Variants in PRDM5 observed in about 807,000 individuals in gnomAD.
PRDM5 encodes PR/SET domain 5, also known as PR domain zinc finger protein 5.
A neutral mutation model predicts 81.2 loss-of-function variants in PRDM5; 56 were observed. The ratio of observed to expected loss-of-function variants is 0.69; its 90% CI spans 0.56 to 0.86. The LOEUF (loss-of-function observed/expected upper bound fraction) is 0.86. Ranked by LOEUF, PRDM5 falls within the 40% of genes least tolerant of loss-of-function variation. The probability of loss-of-function intolerance (pLI) is 0.00; values close to 1 mark genes in which losing one functional copy is unlikely to be tolerated. For missense variants in PRDM5, 697 were observed against 770.1 expected, an observed-to-expected ratio of 0.91 and a Z score of 1.12; for synonymous variants, 267 against 256.4, an observed-to-expected ratio of 1.04 and a Z score of -0.39.
chr4:120,907,393 A>T, intron 2 of PRDM5, 81 bp downstream of exon 2: 1 of 1,178,138 alleles, frequency 8.5e-7, no homozygotes, highest in Non-Finnish European at 1.3e-6. Flanking sequence ...TGGAATCAAT[A>T]TCAATTAATG....
At chr4:120,829,653 G>T (rs1313952676) in intron 3 of PRDM5, among the ~76,000 whole-genome samples, 1 of 152,054 alleles carries the variant, frequency 6.6e-6, no homozygotes, top group Non-Finnish European at 1.5e-5. Context: ...TTGTTTACTT[G>T]TTGGCAGGCT....
At chr4:120,800,082 T>G (rs1371592099) in intron 8 of PRDM5, among the ~76,000 whole-genome samples, 1 of 152,248 alleles carries the variant, frequency 6.6e-6, no homozygotes, top group African/African-American at 2.4e-5. Context: ...CTTGGAAATA[T>G]GTAGCATGCA....
Position 120,695,030 on chromosome 4 carries a change from C to CT in PRDM5, c.*80dup, listed in dbSNP as rs1734354874. The stretch of plus-strand genomic sequence containing the variant: ...ACCAGTAAGTCACTTTTGGCTACTT[C>CT]TGTTATGCTGATCAGGTGATAAAAA... On this transcript the variant is annotated 3_prime_UTR_variant, in exon 16 of 16. Transcript: ENST00000264808. The CT allele has an allele frequency of 6.6e-6, 10 of 1,508,348 alleles. No homozygotes were observed. Among genetic ancestry groups the CT allele is most frequent in the Non-Finnish European group, 9.2e-6 (10 of 1,087,524 alleles). The allele number at this position is 1,508,348 out of a possible 1,614,324, so 93.4% of individuals were successfully genotyped here.
At chr4:120,739,564 C>T (rs905975818) in intron 14 of PRDM5, among the ~76,000 whole-genome samples, 8 of 152,104 alleles carry the variant, frequency 5.3e-5, no homozygotes, top group Non-Finnish European at 8.8e-5. Flanking sequence ...ACTCTTGTAA[C>T]CTTAACTATA....
intron 6 of PRDM5, 87 bp downstream of exon 6, chr4:120,816,745 A>ATT: frequency 6.6e-7 from 1 of 1,517,600 alleles, no homozygotes; most frequent in Non-Finnish European, 9.2e-7. Flanking sequence ...AGGTATGTGA[A>ATT]ACTGAATTAC....
intron 14 of PRDM5, among the ~76,000 whole-genome samples, chr4:120,741,959 T>TCCACCTCTA (rs1742078827): frequency 6.6e-6 from 1 of 152,158 alleles, no homozygotes; most frequent in African/African-American, 2.4e-5. Flanking sequence ...CTCTGTAGGC[T>TCCACCTCTA]CCACCTCTAG....
intron 13 of PRDM5, among the ~76,000 whole-genome samples, chr4:120,765,147 C>T (rs977658373): frequency 6.6e-6 from 1 of 152,014 alleles, no homozygotes; most frequent in African/African-American, 2.4e-5. Context: ...TGGCTAAAAT[C>T]CAAATACGAT....
At chr4:120,917,586 T>C (rs1199667022) in intron 1 of PRDM5, among the ~76,000 whole-genome samples, 1 of 151,764 alleles carries the variant, frequency 6.6e-6, no homozygotes, top group Non-Finnish European at 1.5e-5. Flanking sequence ...TCTTGGCATA[T>C]AGAGTGATAA....
intron 12 of PRDM5, among the ~76,000 whole-genome samples, chr4:120,778,272 T>C (rs1441127683): frequency 1.3e-5 from 2 of 152,112 alleles, no homozygotes; most frequent in African/African-American, 2.4e-5. Context: ...AGGGCCTGTG[T>C]TTGCCTTTGT....
intron 2 of PRDM5, among the ~76,000 whole-genome samples, chr4:120,904,206 C>CAAAAAAA (rs1157460080): frequency 1.8e-5 from 2 of 108,216 alleles, no homozygotes; most frequent in East Asian, 3.1e-4. Context: ...AAAAAAAAAA[C>CAAAAAAA]AAAAAAACCT....
In PRDM5 at chr4:120,787,349, G is replaced by A. The variant is rs553491886; in HGVS notation, c.1189-2258C>T. On this transcript the variant is annotated intron_variant, in intron 10 of 15. Transcript: ENST00000264808. ...GAGAAGTGAGGAGGAGAAGCAAATC[G>A]TGTACGGCCTGACTGGCCAGTGCAG... Among the ~76,000 whole-genome samples, 9 of 152,290 alleles carry A rather than the reference G, an allele frequency of 5.9e-5. No homozygotes were observed. In the South Asian group the frequency reaches 1.7e-3, roughly 28 times the overall value.
chr4:120,773,970 C>T (rs542356441), intron 13 of PRDM5, among the ~76,000 whole-genome samples: 2 of 152,234 alleles, frequency 1.3e-5, no homozygotes, highest in South Asian at 2.1e-4. Flanking sequence ...AATATGTATG[C>T]TAACATGTAA....
chr4:120,735,723 A>G (rs2149095376), intron 14 of PRDM5, among the ~76,000 whole-genome samples: 1 of 152,242 alleles, frequency 6.6e-6, no homozygotes, highest in South Asian at 2.1e-4. Flanking sequence ...TCTCAAGACG[A>G]TGACTGGGGG....
chr4:120,823,170 G>A (rs1027065298), intron 3 of PRDM5, among the ~76,000 whole-genome samples: 3 of 152,070 alleles, frequency 2.0e-5, no homozygotes, highest in East Asian at 1.9e-4. Flanking sequence ...TAATTGAACC[G>A]TCATCCTAGT....
chr4:120,851,098 T>C (rs1253022641), intron 3 of PRDM5, among the ~76,000 whole-genome samples: 2 of 152,114 alleles, frequency 1.3e-5, no homozygotes, highest in Non-Finnish European at 2.9e-5. Context: ...TAACACTTTG[T>C]AAGTTTAGGC....
intron 1 of PRDM5, among the ~76,000 whole-genome samples, chr4:120,912,061 C>A (rs749942929): frequency 6.6e-6 from 1 of 152,078 alleles, no homozygotes; most frequent in Non-Finnish European, 1.5e-5. Context: ...TTTGAGTTAG[C>A]GAATCACCAT....
chr4:120,705,291 G>GT (rs1560912646), intron 15 of PRDM5, among the ~76,000 whole-genome samples: 1 of 152,146 alleles, frequency 6.6e-6, no homozygotes. Context: ...ACAAAACCTT[G>GT]TGTCATTGAG....
chr4:120,863,175 A>AAAT (rs1553997140), intron 2 of PRDM5, among the ~76,000 whole-genome samples: 8,188 of 59,216 alleles, frequency 0.14, 1,237 homozygotes, highest in East Asian at 0.32. Flanking sequence ...AAAAAAAAAA[A>AAAT]ATATATATAT....
intron 2 of PRDM5, chr4:120,885,384 G>C (rs1763328408): frequency 6.6e-6 from 1 of 152,094 alleles, no homozygotes; most frequent in Non-Finnish European, 1.5e-5. Context: ...TAATCCACCA[G>C]CCCTGAAGCC....
Sources: gnomAD v4.1 joint callset for allele counts (sites outside exome capture counted in the v4.1 genomes callset) on GRCh38, gnomAD v4.1.1 for gene constraint, MANE v1.5 for transcripts, NCBI Gene and HGNC (gene_info 2026-07-23, HGNC 2026-07-21) for gene names.